PDE6C: variants seen among roughly 807,000 people sequenced by gnomAD.
PDE6C encodes cone cGMP-specific 3',5'-cyclic phosphodiesterase subunit alpha'.
A neutral mutation model predicts 113.1 loss-of-function variants in PDE6C; 75 were observed. The ratio of observed to expected loss-of-function variants is 0.66; its 90% confidence interval spans 0.55 to 0.80. The LOEUF is 0.80. Among genes scored for constraint, PDE6C ranks in the 30% least tolerant of loss-of-function variants. PDE6C has a pLI of 0.00. For synonymous variants in PDE6C, 375 were observed against 363.7 expected (o/e 1.03, Z -0.35); for missense variants, 912 against 1,038.6 (o/e 0.88, Z 1.67).
chr10:93,635,730 C>T, intron 10 of PDE6C, 90 bp downstream of exon 10: 5 of 1,353,626 alleles, frequency 3.7e-6, no homozygotes, highest in Non-Finnish European at 5.3e-6. Flanking sequence ...CTGACAAATG[C>T]AAATGGTTTA....
intron 11 of PDE6C, among the ~76,000 whole-genome samples, chr10:93,637,618 AT>A (rs1214480904): frequency 2.0e-5 from 3 of 152,246 alleles, no homozygotes; most frequent in Non-Finnish European, 2.9e-5. Context: ...AATTTCAGAG[AT>A]TTTTTTCAGT....
Position 93,634,625 on chromosome 10 carries a change from T to C in PDE6C, c.1120-133T>C. The C allele has an allele frequency of 5.8e-6, 5 of 865,498 alleles. No homozygotes were observed. In the Admixed American group the frequency reaches 1.1e-4, roughly 18 times the overall value. 53.6% of individuals were successfully genotyped at this position (865,498 alleles called of 1,614,324 possible). A position where few individuals can be genotyped will look rare whatever the true frequency, so the allele number is the denominator to read the frequency against. On this transcript the variant is annotated intron_variant, in intron 8 of 21. Coordinates refer to ENST00000371447, the MANE Select transcript of PDE6C (RefSeq NM_006204.4). ...ATGTACTGTAGTTGTCTAACCATCA[T>C]TACCATTGTGTGAAACTGGGTGAAG...
chr10:93,616,652 CTTTTTTTTTT>C (rs11418985), intron 1 of PDE6C, among the ~76,000 whole-genome samples: 90 of 118,468 alleles, frequency 7.6e-4, no homozygotes, highest in Non-Finnish European at 9.4e-4. Context: ...GGCAGGAAGA[CTTTTTTTTTT>C]TTTTTTTTTT....
intron 8 of PDE6C, among the ~76,000 whole-genome samples, chr10:93,632,036 C>T (rs889267498): frequency 1.6e-4 from 25 of 152,190 alleles, no homozygotes; most frequent in African/African-American, 5.8e-4. Flanking sequence ...CATCTCCTTG[C>T]CTTTTCCAGC....
intron 1 of PDE6C, among the ~76,000 whole-genome samples, chr10:93,619,914 G>T (rs2058437194): frequency 6.6e-6 from 1 of 152,124 alleles, no homozygotes; most frequent in African/African-American, 2.4e-5. Context: ...CAGTTGAGTG[G>T]ATCATAAAGC....
At chr10:93,655,639 CAA>C in intron 15 of PDE6C, 119 bp from the exon 16 acceptor site, 5 of 318,938 alleles carry the variant, frequency 1.6e-5, no homozygotes, top group Non-Finnish European at 2.2e-5. Flanking sequence ...GGAAGGAAAA[CAA>C]AAAAAAAACA....
chr10:93,641,522 A>G (rs1047113858), intron 14 of PDE6C, among the ~76,000 whole-genome samples: 2 of 152,076 alleles, frequency 1.3e-5, no homozygotes, highest in African/African-American at 4.8e-5. Flanking sequence ...GCACATGTCT[A>G]TAGGAGGTAG....
chr10:93,655,676 T>C (rs2058634471), intron 15 of PDE6C, 84 bp from the exon 16 acceptor site: 1 of 773,560 alleles, frequency 1.3e-6, no homozygotes, highest in South Asian at 1.4e-5. Context: ...GAAAGACTTT[T>C]AGATTTTCTT....
At chr10:93,652,031 G>A (rs946849923) in intron 15 of PDE6C, among the ~76,000 whole-genome samples, 5 of 152,186 alleles carry the variant, frequency 3.3e-5, no homozygotes, top group African/African-American at 1.2e-4. Flanking sequence ...GTGTGTGTGT[G>A]TGTGCCTGTG....
chr10:93,639,480 A>G (rs1409430303), intron 11 of PDE6C, among the ~76,000 whole-genome samples: 2 of 152,190 alleles, frequency 1.3e-5, no homozygotes, highest in African/African-American at 2.4e-5. Flanking sequence ...AAGTATACCT[A>G]TGTACTGCAG....
Position 93,653,501 on chromosome 10 carries a change from G to A in PDE6C, c.1936-2259G>A, listed in dbSNP as rs113229011. On this transcript the variant is annotated intron_variant, in intron 15 of 21. Transcript: ENST00000371447. ...CTACTAAAAAATACAAAAATTAGCT[G>A]GGCATGGTGGTGGGTGCCTGTAATC... Among the ~76,000 whole-genome samples the A allele has an allele frequency of 8.4e-3, 1,276 of 152,086 alleles. 20 individuals are homozygous for A. The highest frequency in any genetic ancestry group is 0.029 in the African/African-American group (1,189 of 41,484).
rs1589700453 is a variant in PDE6C, at chr10:93,642,618, C to T, written c.1847+1589C>T. ...GTCTTGGGTTTGTGGGGACCAACTA[C>T]TTCTTGGTTGGGGGATCTTGGACAA... On this transcript the variant is annotated intron_variant, in intron 14 of 21. Transcript: ENST00000371447. 2.0e-5 allele frequency among the ~76,000 whole-genome samples: 3 copies of T among 152,106 alleles called. No homozygotes were observed. The South Asian group carries it at 6.2e-4, about 31-fold the overall frequency.
At chr10:93,618,443 G>T (rs1271315103) in intron 1 of PDE6C, among the ~76,000 whole-genome samples, 1 of 152,142 alleles carries the variant, frequency 6.6e-6, no homozygotes, top group African/African-American at 2.4e-5. Flanking sequence ...GTACACTGGG[G>T]CCCAGTTTCA....
intron 1 of PDE6C, among the ~76,000 whole-genome samples, chr10:93,617,682 GA>G (rs1269879166): frequency 3.3e-5 from 5 of 152,180 alleles, no homozygotes; most frequent in African/African-American, 1.2e-4. Context: ...GCTGAGGCAG[GA>G]GAATCACTTG....
At chr10:93,655,949 C>T (rs936150037) in intron 16 of PDE6C, 89 bp downstream of exon 16, 1 of 795,696 alleles carries the variant, frequency 1.3e-6, no homozygotes, top group African/African-American at 1.7e-5. Flanking sequence ...TGTTAAAAGG[C>T]ATTTATTCAC....
At position 93,622,050 on chromosome 10, in the gene PDE6C, T is replaced by C. The variant is rs1053554397; in HGVS notation, c.842T>C (p.Leu281Pro). The change falls in exon 4 of 22, where the codon CTG becomes CCG. Residue 281 changes from leucine to proline, a missense_variant. Coordinates refer to ENST00000371447, the MANE Select transcript of PDE6C (RefSeq NM_006204.4). ...YLNCERYSIGLLDMTKEKEFY... is the reference protein window; with the variant it reads ...YLNCERYSIGPLDMTKEKEFY... ...AACTGTGAACGATACTCCATTGGACTGCTGGACATGACCAAGGAGAAGGTT... is the reference window on the plus strand; with the variant it reads ...AACTGTGAACGATACTCCATTGGACCGCTGGACATGACCAAGGAGAAGGTT... 1 of 1,613,996 alleles carries C rather than the reference T, an allele frequency of 6.2e-7. No homozygotes were observed. Among genetic ancestry groups the C allele is most frequent in the Non-Finnish European group, 8.5e-7 (1 of 1,180,006 alleles).
At chr10:93,626,999 A>C (rs1405820371) in intron 7 of PDE6C, 128 bp downstream of exon 7, 3 of 798,608 alleles carry the variant, frequency 3.8e-6, no homozygotes, top group African/African-American at 1.7e-5. Context: ...GCGGTGGCTC[A>C]TGCCTGTAAT....
At chr10:93,664,062 A>G (rs2058678911) in intron 21 of PDE6C, among the ~76,000 whole-genome samples, 1 of 152,154 alleles carries the variant, frequency 6.6e-6, no homozygotes, top group South Asian at 2.1e-4. Flanking sequence ...TAAAAGCAGG[A>G]GTTTTTGACT....
At chr10:93,636,646 T>C (rs886139833) in intron 10 of PDE6C, among the ~76,000 whole-genome samples, 2 of 152,126 alleles carry the variant, frequency 1.3e-5, no homozygotes, top group Non-Finnish European at 1.5e-5. Context: ...TTTGGGGGAA[T>C]TTTAAAAATC....
Sources: allele counts gnomAD v4.1 joint callset (sites outside exome capture counted in the v4.1 genomes callset), GRCh38; gene constraint gnomAD v4.1.1; transcripts MANE v1.5; gene names NCBI Gene and HGNC (gene_info 2026-07-23, HGNC 2026-07-21).